The following ELAVL2 variants were observed in gnomAD, a reference collection of about 807,000 sequenced individuals.
ELAVL2 encodes ELAV like RNA binding protein 2, also known as ELAV-like protein 2.
ELAVL2 carries 4 observed loss-of-function variants against 34.6 expected under a neutral mutation model. The ratio of observed to expected loss-of-function variants is 0.12; its 90% CI spans 0.06 to 0.26. The LOEUF (loss-of-function observed/expected upper bound fraction) is 0.26. Among genes scored for constraint, ELAVL2 ranks in the 10% least tolerant of loss-of-function variants. The pLI, the probability that ELAVL2 is intolerant of heterozygous loss-of-function variation, is 1.00. For synonymous variants in ELAVL2, 193 were observed against 154.8 expected, an observed-to-expected ratio of 1.25 and a Z score of -1.83; for missense variants, 432 against 442.8, an observed-to-expected ratio of 0.98 and a Z score of 0.22.
At chr9:23,828,297 G>T (rs1466389767), upstream of ELAVL2, among the ~76,000 whole-genome samples, 1 of 152,052 alleles carries the variant, frequency 6.6e-6, no homozygotes, top group Non-Finnish European at 1.5e-5. Flanking sequence ...TACCATGCTC[G>T]TAGGTTAATA....
At chr9:23,785,455 T>G (rs1302424328) in intron 1 of ELAVL2, among the ~76,000 whole-genome samples, 3 of 152,222 alleles carry the variant, frequency 2.0e-5, no homozygotes, top group Non-Finnish European at 4.4e-5. Context: ...GATCTTTTAG[T>G]TATCACAGCT....
chr9:23,700,654 G>A (rs10966029), intron 5 of ELAVL2, among the ~76,000 whole-genome samples: 2,996 of 152,260 alleles, frequency 0.02, 87 homozygotes, highest in African/African-American at 0.067. Context: ...CAAGACAGAT[G>A]CAACAGTGAC....
chr9:23,753,210 C>T (rs1047739815), intron 2 of ELAVL2, among the ~76,000 whole-genome samples: 1 of 152,130 alleles, frequency 6.6e-6, no homozygotes, highest in African/African-American at 2.4e-5. Flanking sequence ...TGGAAAAGCA[C>T]ACTCTGAGGG....
chr9:23,702,271 C>T (rs532236714), intron 4 of ELAVL2, among the ~76,000 whole-genome samples: 14 of 150,712 alleles, frequency 9.3e-5, no homozygotes, highest in African/African-American at 1.2e-4. Flanking sequence ...AAAGAAAAGA[C>T]GTAGATTTTA....
At chr9:23,781,540 T>C (rs1470066595) in intron 1 of ELAVL2, among the ~76,000 whole-genome samples, 1 of 144,828 alleles carries the variant, frequency 6.9e-6, no homozygotes, top group African/African-American at 2.6e-5. Context: ...TTTTTGAAGA[T>C]AGGTTCTAAT....
chr9:23,753,257 C>A (rs998826130), intron 2 of ELAVL2, among the ~76,000 whole-genome samples: 2 of 152,220 alleles, frequency 1.3e-5, no homozygotes, highest in South Asian at 2.1e-4. Context: ...CAGCAGTGTA[C>A]TCAGCTGAAA....
intron 1 of ELAVL2, among the ~76,000 whole-genome samples, chr9:23,801,807 T>C (rs2137665862): frequency 6.6e-6 from 1 of 152,316 alleles, no homozygotes; most frequent in South Asian, 2.1e-4. Flanking sequence ...TGGGCACCCT[T>C]CACTACCAAC....
chr9:23,753,319 G>C (rs1459279804), intron 2 of ELAVL2, among the ~76,000 whole-genome samples: 2 of 152,004 alleles, frequency 1.3e-5, no homozygotes, highest in African/African-American at 4.8e-5. Context: ...TTGAAGCACA[G>C]TTTTAGCTCC....
upstream of ELAVL2, among the ~76,000 whole-genome samples, chr9:23,829,101 G>C (rs2065419995): frequency 6.6e-6 from 1 of 152,186 alleles, no homozygotes; most frequent in South Asian, 2.1e-4. Flanking sequence ...ATTTGAATAT[G>C]ATTAAGTTAT....
At chr9:23,748,385 G>A (rs2051038413) in intron 2 of ELAVL2, among the ~76,000 whole-genome samples, 1 of 152,110 alleles carries the variant, frequency 6.6e-6, no homozygotes, top group Non-Finnish European at 1.5e-5. Flanking sequence ...ACCCCACACG[G>A]ATGTTTGTCC....
intron 2 of ELAVL2, among the ~76,000 whole-genome samples, chr9:23,741,205 G>A (rs2049080103): frequency 6.6e-6 from 1 of 152,142 alleles, no homozygotes; most frequent in Admixed American, 6.6e-5. Context: ...GAACAAATTT[G>A]TAAAGAAGTA....
chr9:23,768,109 A>C (rs927314509), intron 1 of ELAVL2, among the ~76,000 whole-genome samples: 4 of 152,168 alleles, frequency 2.6e-5, no homozygotes, highest in African/African-American at 7.2e-5. Flanking sequence ...TAGACTTTCT[A>C]AACCCTCCCA....
At position 23,704,969 on chromosome 9, in the gene ELAVL2, A is replaced by C; in HGVS notation, c.436T>G (p.Ser146Ala). 6.2e-7 allele frequency: 1 copy of C among 1,614,150 alleles called. No individual in the cohort carries two copies. Among genetic ancestry groups the C allele is most frequent in the Non-Finnish European group, 8.5e-7 (1 of 1,180,006 alleles). The change falls in exon 4 of 7, where the codon TCA becomes GCA. Residue 146 changes from serine (S) to alanine (A), a missense_variant. Around this residue, in one of 3 missense-constraint regions of ELAVL2, gnomAD observed 295 missense variants for 306.1 expected, o/e 0.96. Coordinates refer to ENST00000397312, the MANE Select transcript of ELAVL2 (RefSeq NM_004432.5). ...MTQKELEQLF[S>A]QYGRIITSRI... Reference sequence around the variant, plus strand: ...GAAGTAATAATGCGTCCATATTGTGAAAAAAGCTGTTCCAACTCCTTCTGG... The same window carrying C: ...GAAGTAATAATGCGTCCATATTGTGCAAAAAGCTGTTCCAACTCCTTCTGG...
At chr9:23,848,718 T>G in the ELAVL2 span, among the ~76,000 whole-genome samples, 8 of 152,236 alleles carry the variant, frequency 5.3e-5, no homozygotes, top group Non-Finnish European at 7.3e-5. Context: ...TTAAAAATCT[T>G]TATTTCAGAA....
intron 1 of ELAVL2, chr9:23,764,895 T>C: frequency 9.3e-7 from 1 of 1,075,998 alleles, no homozygotes; most frequent in Non-Finnish European, 1.4e-6. Context: ...ATAGGTTAAA[T>C]GTAAGAATAA....
intron 3 of ELAVL2, among the ~76,000 whole-genome samples, chr9:23,710,352 T>C (rs2040588272): frequency 6.6e-6 from 1 of 152,204 alleles, no homozygotes; most frequent in Admixed American, 6.5e-5. Context: ...TAGCAATGTT[T>C]AAAATCCCAG....
At chr9:23,721,524 C>G (rs1372118925) in intron 3 of ELAVL2, among the ~76,000 whole-genome samples, 1 of 152,206 alleles carries the variant, frequency 6.6e-6, no homozygotes, top group Admixed American at 6.5e-5. Flanking sequence ...AGACTTACAC[C>G]TCCAAGTCCT....
intron 3 of ELAVL2, among the ~76,000 whole-genome samples, chr9:23,715,390 C>T (rs552842500): frequency 1.7e-3 from 258 of 152,242 alleles, no homozygotes; most frequent in African/African-American, 5.9e-3. Context: ...CCTCGTGAGC[C>T]GCCCGTCTCG....
intron 3 of ELAVL2, among the ~76,000 whole-genome samples, chr9:23,718,277 A>C (rs1056314975): frequency 1.3e-5 from 2 of 152,154 alleles, no homozygotes; most frequent in African/African-American, 4.8e-5. Flanking sequence ...TTTAAATTTA[A>C]AACACAATCT....
Sources: allele counts gnomAD v4.1 joint callset (sites outside exome capture counted in the v4.1 genomes callset), GRCh38; gene constraint gnomAD v4.1.1; regional missense constraint gnomAD v4.1.1; transcripts MANE v1.5; gene names NCBI Gene and HGNC (gene_info 2026-07-23, HGNC 2026-07-21).